Variants in TMEM230 observed in about 807,000 individuals in gnomAD.
TMEM230 encodes the protein transmembrane protein 230.
Under a neutral mutation model 15.8 loss-of-function variants are expected in TMEM230, and 10 were observed. That is an observed-to-expected ratio of 0.63 (90% CI 0.39 to 1.07). The LOEUF is 1.07. TMEM230 is among the 50% of genes least tolerant of loss of function. The pLI is 0.01. For synonymous variants in TMEM230, 67 were observed against 76.9 expected (o/e 0.87, Z 0.68); for missense variants, 165 against 193.3 (o/e 0.85, Z 0.87).
chr20:5,095,385 G>A (rs958096866), downstream of TMEM230, among the ~76,000 whole-genome samples: 1 of 152,086 alleles, frequency 6.6e-6, no homozygotes, highest in Non-Finnish European at 1.5e-5. Context: ...TCAGGGAACC[G>A]AAGCATGTTC....
chr20:5,112,507 G>T (rs2090366929), intron 1 of TMEM230, among the ~76,000 whole-genome samples: 1 of 152,212 alleles, frequency 6.6e-6, no homozygotes, highest in South Asian at 2.1e-4. Context: ...TCGCAGGGGC[G>T]TGAGGGAGAG....
chr20:5,095,162 A>C (rs1403143547), downstream of TMEM230, among the ~76,000 whole-genome samples: 2 of 152,172 alleles, frequency 1.3e-5, no homozygotes, highest in Non-Finnish European at 2.9e-5. Flanking sequence ...TTTAACCCTC[A>C]GGTTGGAGCA....
intron 3 of TMEM230, among the ~76,000 whole-genome samples, chr20:5,094,704 CAAAAAAA>C (rs774664710): frequency 1.8e-4 from 11 of 61,618 alleles, no homozygotes; most frequent in Non-Finnish European, 2.9e-4. Context: ...GACTCCATCT[CAAAAAAA>C]AAAAAAAAAA....
At chr20:5,065,158 C>A (rs2088639757), downstream of TMEM230, among the ~76,000 whole-genome samples, 1 of 152,086 alleles carries the variant, frequency 6.6e-6, no homozygotes, top group Admixed American at 6.6e-5. Context: ...GTGGCTCTCA[C>A]CTGTGATCCC....
chr20:5,066,302 T>C (rs1477772516), downstream of TMEM230: 1 of 152,172 alleles, frequency 6.6e-6, no homozygotes, highest in African/African-American at 2.4e-5. Context: ...AGGGCTTTTT[T>C]GTCCTCCTAG....
intron 4 of TMEM230, among the ~76,000 whole-genome samples, chr20:5,101,177 T>A (rs938280103): frequency 6.6e-6 from 1 of 152,202 alleles, no homozygotes; most frequent in African/African-American, 2.4e-5. Flanking sequence ...TTCCTTTTTT[T>A]AAAGCTCTTA....
chr20:5,096,949 T>G (rs2089681501), downstream of TMEM230, among the ~76,000 whole-genome samples: 1 of 152,150 alleles, frequency 6.6e-6, no homozygotes, highest in South Asian at 2.1e-4. Context: ...TGGTGGAAAC[T>G]TTAGTGAACT....
intron 3 of TMEM230, among the ~76,000 whole-genome samples, chr20:5,072,817 C>T (rs2088869702): frequency 6.9e-6 from 1 of 144,622 alleles, no homozygotes; most frequent in Non-Finnish European, 1.5e-5. Flanking sequence ...CCATTGCACT[C>T]CAGCCTGGAA....
intron 4 of TMEM230, among the ~76,000 whole-genome samples, chr20:5,103,307 C>CA (rs2089944541): frequency 6.6e-6 from 1 of 151,594 alleles, no homozygotes; most frequent in Non-Finnish European, 1.5e-5. Flanking sequence ...ACCAAACAAA[C>CA]AAAAAAATTA....
chr20:5,093,241 CTATTT>C (rs912552738), intron 3 of TMEM230, among the ~76,000 whole-genome samples: 13 of 152,102 alleles, frequency 8.5e-5, no homozygotes, highest in Non-Finnish European at 1.5e-4. Flanking sequence ...ATTTTATTTC[CTATTT>C]TATTTTAATT....
chr20:5,063,709 G>T (rs1000552620), downstream of TMEM230, among the ~76,000 whole-genome samples: 1 of 152,146 alleles, frequency 6.6e-6, no homozygotes, highest in Non-Finnish European at 1.5e-5. Flanking sequence ...AGTCATACAA[G>T]CTGCATATAC....
intron 1 of TMEM230, 24 bp downstream of exon 1, chr20:5,112,937 C>T (rs754075346): frequency 5.9e-5 from 91 of 1,549,576 alleles, no homozygotes; most frequent in Non-Finnish European, 7.7e-5. Flanking sequence ...GTTCTGTCCC[C>T]GCCCTGCCGC....
chr20:5,103,182 A>T (rs898411628), intron 4 of TMEM230, among the ~76,000 whole-genome samples: 3 of 152,158 alleles, frequency 2.0e-5, no homozygotes, highest in African/African-American at 7.2e-5. Flanking sequence ...ACATAGTCAG[A>T]GGGGTGCAGT....
intron 3 of TMEM230, among the ~76,000 whole-genome samples, chr20:5,079,414 CCTT>C (rs2089110517): frequency 1.3e-5 from 2 of 152,198 alleles, no homozygotes; most frequent in Non-Finnish European, 2.9e-5. Context: ...TTCCCCCACT[CCTT>C]CTATGTGATT....
Position 5,101,073 on chromosome 20 carries a change from T to TGTA in TMEM230, c.412-143_412-142insTAC, listed in dbSNP as rs2089840792. ...AGTTGTATACCACCAAGGGAAAAGG[T>TGTA]TTCCTCCTGATTATAAATTGAAGAC... On this transcript the variant is annotated intron_variant, in intron 4 of 4. Transcript: ENST00000342308. 18 of 1,049,940 alleles carry TGTA rather than the reference T, an allele frequency of 1.7e-5. 1 individual carries two copies. The South Asian group carries it at 4.1e-4, about 24-fold the overall frequency. The allele number at this position is 1,049,940 out of a possible 1,614,324, so 65.0% of individuals were successfully genotyped here. A position where few individuals can be genotyped will look rare whatever the true frequency, so the allele number is the denominator to read the frequency against.
chr20:5,087,797 G>A (rs565781133), intron 3 of TMEM230, among the ~76,000 whole-genome samples: 2 of 143,354 alleles, frequency 1.4e-5, no homozygotes, highest in African/African-American at 5.1e-5. Context: ...TTTGGGTAAA[G>A]ATGAGAAGAG....
Position 5,106,167 on chromosome 20 carries a change from C to A in TMEM230, c.411+21G>T, listed in dbSNP as rs199562473. The stretch of plus-strand genomic sequence containing the variant: ...CATTTTAAAAATCTCACAACTTATT[C>A]CCACATGCCCGTCAGCTTACCCCTT... On this transcript the variant is annotated intron_variant, in intron 4 of 4. Coordinates refer to ENST00000342308, the MANE Select transcript of TMEM230 (RefSeq NM_001009923.2). 2.5e-6 allele frequency: 4 copies of A among 1,595,108 alleles called. No individual in the cohort carries two copies. The Admixed American group carries it at 5.4e-5, about 21-fold the overall frequency.
downstream of TMEM230, among the ~76,000 whole-genome samples, chr20:5,065,597 C>T (rs1230633311): frequency 2.0e-5 from 3 of 152,166 alleles, no homozygotes; most frequent in Non-Finnish European, 2.9e-5. Flanking sequence ...GAGCAGAGGC[C>T]CCCTACTGCC....
At chr20:5,066,960 A>G (rs6053070), downstream of TMEM230, among the ~76,000 whole-genome samples, 1,033 of 152,286 alleles carry the variant, frequency 6.8e-3, 16 homozygotes, top group African/African-American at 0.024. Flanking sequence ...AAATGAAGCA[A>G]TATTCCACCG....
Sources: gnomAD v4.1 joint callset for allele counts (sites outside exome capture counted in the v4.1 genomes callset) on GRCh38, gnomAD v4.1.1 for gene constraint, MANE v1.5 for transcripts, NCBI Gene and HGNC (gene_info 2026-07-23, HGNC 2026-07-21) for gene names.